ZNF333: variants seen among roughly 807,000 people sequenced by gnomAD.
ZNF333 encodes zinc finger protein 333.
Under a neutral mutation model 76.1 loss-of-function variants are expected in ZNF333, and 61 were observed. The ratio of observed to expected loss-of-function variants is 0.80; its 90% confidence interval spans 0.65 to 0.99. The LOEUF is 0.99. ZNF333 is among the 50% of genes least tolerant of loss of function. The pLI is 0.00. For missense variants in ZNF333, 717 were observed against 822.4 expected, an observed-to-expected ratio of 0.87 and a Z score of 1.57; for synonymous variants, 284 against 305.0, an observed-to-expected ratio of 0.93 and a Z score of 0.72.
intron 5 of ZNF333, among the ~76,000 whole-genome samples, chr19:14,703,152 C>T (rs1409585479): frequency 6.7e-6 from 1 of 150,322 alleles, no homozygotes; most frequent in Admixed American, 6.7e-5. Context: ...TTGCAGTGAG[C>T]CGAGATCGCG....
At chr19:14,708,498 C>CAG (rs34925577) in intron 7 of ZNF333, 268,322 of 398,086 alleles carry the variant, frequency 0.67, 92,780 homozygotes, top group African/African-American at 0.87. Context: ...TCTCAGGGGA[C>CAG]GGGAGAGTTC....
intron 4 of ZNF333, among the ~76,000 whole-genome samples, chr19:14,698,767 G>A (rs1171646360): frequency 6.6e-6 from 1 of 151,318 alleles, no homozygotes; most frequent in East Asian, 1.9e-4. Flanking sequence ...TTGAACTCAG[G>A]AGGCAGAGGT....
At chr19:14,693,541 A>G (rs770957747) in intron 2 of ZNF333, 47 bp downstream of exon 2, 1 of 1,591,318 alleles carries the variant, frequency 6.3e-7, no homozygotes, top group Non-Finnish European at 8.6e-7. Flanking sequence ...GATATGTAGG[A>G]TAACTATGTC....
At chr19:14,715,611 C>T in intron 8 of ZNF333, 141 bp downstream of exon 8, 1 of 741,302 alleles carries the variant, frequency 1.3e-6, no homozygotes, top group Non-Finnish European at 2.2e-6. Context: ...TGGGTGTCAG[C>T]AAGGGAGCAT....
At chr19:14,722,461 TTTG>T (rs1026017891), downstream of ZNF333, among the ~76,000 whole-genome samples, 9 of 152,212 alleles carry the variant, frequency 5.9e-5, no homozygotes, top group South Asian at 2.1e-4. Context: ...AAATTAGTTT[TTTG>T]TTGTTGTTGA....
At chr19:14,715,177 G>A in intron 7 of ZNF333, 4 of 547,670 alleles carry the variant, frequency 7.3e-6, no homozygotes, top group Non-Finnish European at 1.3e-5. Context: ...ATGTGTGCAT[G>A]TCTGTGTACG....
In ZNF333 at chr19:14,720,573, A is replaced by G; in HGVS notation, c.*1248A>G. On this transcript the variant is annotated 3_prime_UTR_variant, in exon 12 of 12. Coordinates refer to ENST00000292530, the MANE Select transcript of ZNF333 (RefSeq NM_032433.4). ...TTTCTGGATGTCCCATACATGAAAAATATGCACTTCTTACTGGTACAGTTT... is the reference window on the plus strand; with the variant it reads ...TTTCTGGATGTCCCATACATGAAAAGTATGCACTTCTTACTGGTACAGTTT... 1.0e-6 allele frequency: 1 copy of G among 985,448 alleles called. No individual in the cohort carries two copies. Among genetic ancestry groups the G allele is most frequent in the Non-Finnish European group, 1.2e-6 (1 of 829,940 alleles). The allele number at this position is 985,448 out of a possible 1,614,324, so 61.0% of individuals were successfully genotyped here.
chr19:14,713,801 TAAA>T (rs958912290), intron 7 of ZNF333, among the ~76,000 whole-genome samples: 1 of 149,026 alleles, frequency 6.7e-6, no homozygotes, highest in Non-Finnish European at 1.5e-5. Flanking sequence ...TCTAAAAAAA[TAAA>T]AAAAAAATTA....
chr19:14,705,281 T>G, intron 6 of ZNF333, 111 bp downstream of exon 6: 3 of 848,034 alleles, frequency 3.5e-6, no homozygotes, highest in Non-Finnish European at 5.5e-6. Flanking sequence ...GTTTGGGGCC[T>G]GTAGGAGGCC....
chr19:14,693,417 C>T, intron 1 of ZNF333, 34 bp from the exon 2 acceptor site: 2 of 1,545,830 alleles, frequency 1.3e-6, no homozygotes, highest in Non-Finnish European at 1.8e-6. Flanking sequence ...CCGTCCTCAC[C>T]CCTTCTTTTA....
Position 14,718,802 on chromosome 19 carries a change from C to T in ZNF333, c.1475C>T (p.Ser492Leu). 1 of 1,614,068 alleles carries T rather than the reference C, an allele frequency of 6.2e-7. No individual in the cohort carries two copies. The highest frequency in any genetic ancestry group is 1.3e-5 in the African/African-American group (1 of 74,974). The stretch of plus-strand genomic sequence containing the variant: ...GGGAAAGCCTTCAGGGAACACTCTT[C>T]ACTGAAGACACATCTGCGAACCCAT... ...QCGKAFREHS[S>L]LKTHLRTHTR... is the part of the protein sequence containing the mutation. Residue 492 changes from serine to leucine, a missense_variant, in exon 12 of 12, where the codon TCA becomes TTA. Physicochemically the swap from Ser to Leu is moderately radical, Grantham distance 145 (BLOSUM62 -2). Coordinates refer to ENST00000292530, the MANE Select transcript of ZNF333 (RefSeq NM_032433.4).
Position 14,719,719 on chromosome 19 carries a change from A to T in ZNF333, c.*394A>T, listed in dbSNP as rs2042547442. On this transcript the variant is annotated 3_prime_UTR_variant, in exon 12 of 12. Coordinates refer to ENST00000292530, the MANE Select transcript of ZNF333 (RefSeq NM_032433.4). Reference sequence around the variant, plus strand: ...TTTGTTGTTGGTTTCTAATTTAATTACATGGTGAGAAGAGTATGTGGCCTC... The same window carrying T: ...TTTGTTGTTGGTTTCTAATTTAATTTCATGGTGAGAAGAGTATGTGGCCTC... The T allele has an allele frequency of 9.9e-7, 1 of 1,005,688 alleles. No homozygotes were observed. The highest frequency in any genetic ancestry group is 1.7e-5 in the African/African-American group (1 of 57,692). The allele number at this position is 1,005,688 out of a possible 1,614,324, so 62.3% of individuals were successfully genotyped here.
intron 7 of ZNF333, 146 bp downstream of exon 7, chr19:14,706,919 C>T (rs1175197412): frequency 1.5e-5 from 9 of 618,888 alleles, no homozygotes; most frequent in Non-Finnish European, 2.4e-5. Flanking sequence ...AGGCCTCTCT[C>T]ATTATTTGTG....
chr19:14,716,536 G>C (rs151208715), intron 9 of ZNF333, among the ~76,000 whole-genome samples: 1 of 152,180 alleles, frequency 6.6e-6, no homozygotes, highest in South Asian at 2.1e-4. Flanking sequence ...TGGGATTGCA[G>C]ACATGAGCCA....
chr19:14,717,587 T>C, intron 10 of ZNF333, 70 bp from the exon 11 acceptor site: 1 of 1,405,578 alleles, frequency 7.1e-7, no homozygotes, highest in Non-Finnish European at 1.0e-6. Context: ...CTTGCCTACT[T>C]TTGAGGTGAC....
At chr19:14,709,148 CT>C (rs1268824586) in intron 7 of ZNF333, 2 of 153,830 alleles carry the variant, frequency 1.3e-5, no homozygotes, top group Non-Finnish European at 2.9e-5. Context: ...CCTGCTTCCC[CT>C]TTGCCTTCCG....
intron 8 of ZNF333, 129 bp downstream of exon 8, chr19:14,715,599 A>T: frequency 2.5e-6 from 2 of 788,966 alleles, no homozygotes; most frequent in Non-Finnish European, 4.1e-6. Flanking sequence ...GGCCTCTTGC[A>T]GTGGGTGTCA....
intron 3 of ZNF333, 73 bp from the exon 4 acceptor site, chr19:14,695,493 G>A (rs1224592241): frequency 1.6e-5 from 22 of 1,415,436 alleles, no homozygotes; most frequent in Non-Finnish European, 2.2e-5. Context: ...GAGAGTTTGA[G>A]TTGAGAAACA....
intron 7 of ZNF333, chr19:14,708,256 C>T: frequency 2.5e-6 from 1 of 398,822 alleles, no homozygotes; most frequent in Non-Finnish European, 4.4e-6. Flanking sequence ...GATCCGCCCA[C>T]CTCGGCCTCC....
Sources: allele counts gnomAD v4.1 joint callset (sites outside exome capture counted in the v4.1 genomes callset), GRCh38; gene constraint gnomAD v4.1.1; transcripts MANE v1.5; gene names NCBI Gene and HGNC (gene_info 2026-07-23, HGNC 2026-07-21).